APMAP: variants seen among roughly 807,000 people sequenced by gnomAD.
APMAP encodes the protein adipocyte plasma membrane associated protein, also known as adipocyte plasma membrane-associated protein.
Under a neutral mutation model 43.6 loss-of-function variants are expected in APMAP, and 33 were observed. The ratio of observed to expected loss-of-function variants is 0.76; its 90% CI spans 0.57 to 1.01. The LOEUF (loss-of-function observed/expected upper bound fraction) is 1.01. Among genes scored for constraint, APMAP ranks in the 50% least tolerant of loss-of-function variants. The pLI is 0.00. For synonymous variants in APMAP, 224 were observed against 216.7 expected (o/e 1.03, Z -0.30); for missense variants, 498 against 540.7 (o/e 0.92, Z 0.78).
chr20:24,985,270 C>CAGAAA (rs779816199), intron 1 of APMAP, among the ~76,000 whole-genome samples: 1 of 152,072 alleles, frequency 6.6e-6, no homozygotes, highest in African/African-American at 2.4e-5. Context: ...ACGAATAAAG[C>CAGAAA]AGAAAAGAAA....
Position 24,992,594 on chromosome 20 carries a change from C to G in APMAP, c.95G>C (p.Ser32Thr), listed in dbSNP as rs2088203896. The change falls in exon 1 of 9, where the codon AGC becomes ACC. Residue 32 changes from serine to threonine, a missense_variant and splice_region_variant. Ser to Thr is a moderately conservative substitution (Grantham distance 58). Transcript: ENST00000217456. ...CGCCCAGTCTGGGAGTCCGCCCTAC[C>G]TGCCGTCCTTAGCCTCCGGGGCCTG... ...DGQAPEAKDG[S>T]SFSGRVFRVT... is the part of the protein sequence containing the mutation. 13 of 1,547,430 alleles carry G rather than the reference C, an allele frequency of 8.4e-6. No homozygotes were observed. Among genetic ancestry groups the G allele is most frequent in the Non-Finnish European group, 1.0e-5 (12 of 1,144,734 alleles).
intron 6 of APMAP, 56 bp downstream of exon 6, chr20:24,970,141 A>G: frequency 1.3e-6 from 2 of 1,595,102 alleles, no homozygotes; most frequent in Non-Finnish European, 8.6e-7. Context: ...GCTCTGCTGA[A>G]GCAACTGGCC....
chr20:24,964,552 C>T (rs1042616042), intron 8 of APMAP, among the ~76,000 whole-genome samples: 1 of 152,204 alleles, frequency 6.6e-6, no homozygotes, highest in South Asian at 2.1e-4. Flanking sequence ...AATCCCACTG[C>T]TTTCCTCAAA....
At chr20:24,977,317 TAAA>T (rs2088058473) in intron 3 of APMAP, among the ~76,000 whole-genome samples, 1 of 152,242 alleles carries the variant, frequency 6.6e-6, no homozygotes, top group Admixed American at 6.5e-5. Flanking sequence ...CCAATCGTAA[TAAA>T]AACTCTTTTT....
chr20:24,989,417 T>A (rs1600292255), intron 1 of APMAP, among the ~76,000 whole-genome samples: 1 of 152,198 alleles, frequency 6.6e-6, no homozygotes, highest in Admixed American at 6.5e-5. Context: ...TTCTGTAGAT[T>A]CACCAGCCAA....
At chr20:24,992,546 C>T (rs1166190430) in intron 1 of APMAP, 48 bp downstream of exon 1, 1 of 1,424,410 alleles carries the variant, frequency 7.0e-7, no homozygotes, top group Admixed American at 2.5e-5. Flanking sequence ...GGTCGCCCTC[C>T]ACTCCTAGCG....
intron 8 of APMAP, among the ~76,000 whole-genome samples, chr20:24,968,501 A>G (rs990006666): frequency 1.6e-4 from 24 of 152,186 alleles, no homozygotes; most frequent in Non-Finnish European, 3.1e-4. Context: ...CTGAGGAGGC[A>G]GAGAGGGGGG....
chr20:24,971,397 C>CAT (rs2087998343), intron 5 of APMAP, 63 bp downstream of exon 5: 3 of 1,385,640 alleles, frequency 2.2e-6, no homozygotes, highest in Non-Finnish European at 3.1e-6. Flanking sequence ...TAAGTCTACA[C>CAT]ATACATATAT....
chr20:24,984,693 A>T (rs1231839880), intron 1 of APMAP, among the ~76,000 whole-genome samples: 1 of 152,264 alleles, frequency 6.6e-6, no homozygotes, highest in Admixed American at 6.5e-5. Context: ...CCTTGGGAAG[A>T]TATGAAAGCT....
intron 6 of APMAP, among the ~76,000 whole-genome samples, chr20:24,969,899 G>C (rs1275598657): frequency 6.6e-6 from 1 of 152,266 alleles, no homozygotes; most frequent in Non-Finnish European, 1.5e-5. Context: ...GAGCTGGACA[G>C]GAATACCCCT....
rs760598487 is a variant in APMAP at position 24,963,998 on chromosome 20, T to G, written c.1066A>C (p.Lys356Gln). 9 of 1,614,064 alleles carry G rather than the reference T, an allele frequency of 5.6e-6. No homozygotes were observed. The highest frequency in any genetic ancestry group is 7.6e-6 in the Non-Finnish European group (9 of 1,180,032). Reference protein sequence around the residue: ...FKLFSQETVMKFVPRYSLVLE... With the variant: ...FKLFSQETVMQFVPRYSLVLE... ...ACGAGGCTGTACCGCGGCACAAACTTCATCACCGTCTCTTGACTAAAGAGC... is the reference window on the plus strand; with the variant it reads ...ACGAGGCTGTACCGCGGCACAAACTGCATCACCGTCTCTTGACTAAAGAGC... Residue 356 changes from lysine (K) to glutamine (Q), a missense_variant, in exon 9 of 9, where the codon AAG (lysine) becomes CAG (glutamine). Transcript: ENST00000217456.
chr20:24,968,019 C>A (rs1045614429), intron 8 of APMAP, among the ~76,000 whole-genome samples: 2 of 152,266 alleles, frequency 1.3e-5, no homozygotes, highest in African/African-American at 4.8e-5. Flanking sequence ...TGCTGCCTGT[C>A]AGCCCCAGGA....
intron 1 of APMAP, among the ~76,000 whole-genome samples, chr20:24,991,141 C>T (rs1486976346): frequency 6.6e-6 from 1 of 152,340 alleles, no homozygotes; most frequent in Non-Finnish European, 1.5e-5. Context: ...AACCGGTGCC[C>T]TCAGGGGCTG....
chr20:24,992,473 C>CT, intron 1 of APMAP, 121 bp downstream of exon 1: 1 of 798,754 alleles, frequency 1.3e-6, no homozygotes. Flanking sequence ...CGAGAGGACT[C>CT]TGACAACGCG....
chr20:24,964,617 G>T (rs143356362), intron 8 of APMAP, among the ~76,000 whole-genome samples: 1 of 152,160 alleles, frequency 6.6e-6, no homozygotes, highest in East Asian at 1.9e-4. Context: ...AAAGAGCTTA[G>T]ACCTGGACTC....
chr20:24,984,015 A>C lies in APMAP; in HGVS notation c.100T>G (p.Phe34Val), dbSNP rs1332427565. The C allele has an allele frequency of 3.7e-6, 6 of 1,609,616 alleles. No homozygotes were observed. Among genetic ancestry groups the C allele is most frequent in the Non-Finnish European group, 5.1e-6 (6 of 1,176,208 alleles). The change falls in exon 2 of 9, where the codon TTT becomes GTT. Residue 34 changes from phenylalanine (F) to valine (V), a missense_variant. Physicochemically the swap from Phe to Val is conservative, Grantham distance 50. Coordinates refer to ENST00000217456, the MANE Select transcript of APMAP (RefSeq NM_020531.3). ...GTCACTCGGAAAACTCTGCCGCTAAAGGAGCTGCCAGAAATAAAAGATACA... is the reference window on the plus strand; with the variant it reads ...GTCACTCGGAAAACTCTGCCGCTAACGGAGCTGCCAGAAATAAAAGATACA... ...QAPEAKDGSS[F>V]SGRVFRVTFL...
chr20:24,973,557 C>G (rs995161961), intron 4 of APMAP, 88 bp downstream of exon 4: 1 of 1,270,898 alleles, frequency 7.9e-7, no homozygotes, highest in Non-Finnish European at 1.1e-6. Context: ...CTCCCACAGG[C>G]ATTCTAGGGA....
At position 24,963,941 on chromosome 20, in the gene APMAP, T is replaced by C; in HGVS notation, c.1123A>G (p.Arg375Gly). The C allele has an allele frequency of 3.1e-6, 5 of 1,614,190 alleles. No homozygotes were observed. The highest frequency in any genetic ancestry group is 4.2e-6 in the Non-Finnish European group (5 of 1,180,034). Reference protein sequence around the residue: ...LELSDSGAFRRSLHDPDGLVA... With the variant: ...LELSDSGAFRGSLHDPDGLVA... ...AGCCCATCGGGATCATGCAGGCTTC[T>C]CCGGAAGGCACCGCTGTCGCTGAGT... is the stretch of plus-strand genomic sequence containing the variant. The change falls in exon 9 of 9, where the codon AGA becomes GGA. Residue 375 changes from arginine to glycine, a missense_variant. By Grantham distance (125) the Arg-to-Gly change is moderately radical. Coordinates refer to ENST00000217456, the MANE Select transcript of APMAP (RefSeq NM_020531.3).
intron 2 of APMAP, among the ~76,000 whole-genome samples, chr20:24,981,328 T>C (rs1442713888): frequency 1.3e-5 from 2 of 152,256 alleles, no homozygotes; most frequent in Non-Finnish European, 2.9e-5. Flanking sequence ...GGCATCTGTA[T>C]GATCACGGAT....
Sources: allele counts gnomAD v4.1 joint callset (sites outside exome capture counted in the v4.1 genomes callset), GRCh38; gene constraint gnomAD v4.1.1; transcripts MANE v1.5; gene names NCBI Gene and HGNC (gene_info 2026-07-23, HGNC 2026-07-21).